Variants in GALNT7 observed in about 807,000 individuals in gnomAD.
GALNT7 encodes N-acetylgalactosaminyltransferase 7.
GALNT7 carries 60 observed loss-of-function variants against 82.1 expected under a neutral mutation model. The observed-to-expected ratio is 0.73, with a 90% CI of 0.59 to 0.91. GALNT7 has a LOEUF of 0.91. Ranked by LOEUF, GALNT7 falls within the 40% of genes least tolerant of loss-of-function variation. GALNT7 has a pLI of 0.00. For missense variants in GALNT7, 660 were observed against 804.2 expected, an observed-to-expected ratio of 0.82 and a Z score of 2.17; for synonymous variants, 243 against 275.1, an observed-to-expected ratio of 0.88 and a Z score of 1.15.
At chr4:173,204,945 G>A (rs913637086) in intron 1 of GALNT7, among the ~76,000 whole-genome samples, 1 of 152,172 alleles carries the variant, frequency 6.6e-6, no homozygotes, top group Non-Finnish European at 1.5e-5. Flanking sequence ...TTTGCATACT[G>A]GGATTTTCTG....
intron 5 of GALNT7, among the ~76,000 whole-genome samples, chr4:173,297,609 T>C (rs1736764228): frequency 6.6e-6 from 1 of 152,218 alleles, no homozygotes; most frequent in Non-Finnish European, 1.5e-5. Context: ...GGAAGTCTCC[T>C]CTCTCCTGCC....
chr4:173,272,512 C>A lies in GALNT7; in HGVS notation c.588-19596C>A, dbSNP rs1052072731. 2.6e-5 allele frequency among the ~76,000 whole-genome samples: 4 copies of A among 152,150 alleles called. No individual in the cohort carries two copies. In the East Asian group the frequency reaches 5.8e-4, roughly 22 times the overall value. Reference sequence around the variant, plus strand: ...TTATAATTCCATCCCATCTTTGAGCCATAAACTATTTGATAACTAACTTCA... The same window carrying A: ...TTATAATTCCATCCCATCTTTGAGCAATAAACTATTTGATAACTAACTTCA... On this transcript the variant is annotated intron_variant, in intron 2 of 11. Transcript: ENST00000265000.
intron 1 of GALNT7, among the ~76,000 whole-genome samples, chr4:173,183,284 T>C (rs1267292878): frequency 6.6e-6 from 1 of 151,536 alleles, no homozygotes; most frequent in African/African-American, 2.4e-5. Context: ...CGCTGCACTT[T>C]TTTTTTTTTT....
At chr4:173,183,706 C>T (rs965212532) in intron 1 of GALNT7, among the ~76,000 whole-genome samples, 2 of 149,558 alleles carry the variant, frequency 1.3e-5, no homozygotes, top group Non-Finnish European at 3.0e-5. Context: ...AGCGCCCCCC[C>T]ACCTCCCAGA....
In GALNT7 at chr4:173,313,943, A is replaced by AT. The variant is rs1554030028; in HGVS notation, c.1390-5dup. ...TTTTTATAACGATATATATATATAT[A>AT]TTTTTTTTTTACAGAATTATGTTAG... is the stretch of plus-strand genomic sequence containing the variant. On this transcript the variant is annotated splice_polypyrimidine_tract_variant and intron_variant, in intron 8 of 11. Transcript: ENST00000265000. 0.011 allele frequency: 9,379 copies of AT among 877,808 alleles called. 23 individuals carry two copies. The highest frequency in any genetic ancestry group is 0.032 in the African/African-American group (1,793 of 56,388). The allele number at this position is 877,808 out of a possible 1,614,324, so 54.4% of individuals were successfully genotyped here. A position where few individuals can be genotyped will look rare whatever the true frequency, so the allele number is the denominator to read the frequency against.
intron 2 of GALNT7, among the ~76,000 whole-genome samples, chr4:173,276,346 T>C (rs1735911599): frequency 6.6e-6 from 1 of 152,158 alleles, no homozygotes; most frequent in Non-Finnish European, 1.5e-5. Flanking sequence ...AATTATAGGC[T>C]TAATTTTGAC....
At position 173,240,013 on chromosome 4, in the gene GALNT7, C is replaced by G. The variant is rs181301121; in HGVS notation, c.127-7967C>G. 5.2e-4 allele frequency among the ~76,000 whole-genome samples: 79 copies of G among 152,282 alleles called. 1 individual carries two copies. The highest frequency in any genetic ancestry group is 1.3e-3 in the Admixed American group (20 of 15,290). The stretch of plus-strand genomic sequence containing the variant: ...AAACCACTTTTAAACTATACCTAAT[C>G]ACTGGAATAATCTAGAGTTCCAAAA... On this transcript the variant is annotated intron_variant, in intron 1 of 11. Transcript: ENST00000265000.
At chr4:173,176,596 GT>G (rs1732051808) in intron 1 of GALNT7, among the ~76,000 whole-genome samples, 1 of 152,204 alleles carries the variant, frequency 6.6e-6, no homozygotes, top group Non-Finnish European at 1.5e-5. Flanking sequence ...GACAAAAACT[GT>G]ATTAGTTAAG....
At chr4:173,251,063 C>T (rs1270475818) in intron 2 of GALNT7, among the ~76,000 whole-genome samples, 1 of 152,196 alleles carries the variant, frequency 6.6e-6, no homozygotes, top group African/African-American at 2.4e-5. Flanking sequence ...GGCTGCCTTT[C>T]TCATTAGATA....
At chr4:173,294,930 T>A (rs756956867) in intron 3 of GALNT7, among the ~76,000 whole-genome samples, 11 of 152,204 alleles carry the variant, frequency 7.2e-5, no homozygotes, top group Non-Finnish European at 1.3e-4. Flanking sequence ...CTGATTGTGG[T>A]TGGGGAAAGA....
At chr4:173,288,763 T>C (rs1736431785) in intron 2 of GALNT7, among the ~76,000 whole-genome samples, 2 of 152,084 alleles carry the variant, frequency 1.3e-5, no homozygotes, top group African/African-American at 2.4e-5. Flanking sequence ...TCAGTGTCTA[T>C]CATTGAGGAC....
At chr4:173,296,246 C>A (rs1736712656) in intron 5 of GALNT7, among the ~76,000 whole-genome samples, 1 of 152,078 alleles carries the variant, frequency 6.6e-6, no homozygotes, top group South Asian at 2.1e-4. Context: ...ATAGTAAAGA[C>A]CAGGTGTTAC....
chr4:173,219,207 T>C (rs186103458), intron 1 of GALNT7, among the ~76,000 whole-genome samples: 217 of 152,258 alleles, frequency 1.4e-3, no homozygotes, highest in African/African-American at 5.1e-3. Flanking sequence ...CTCTCACTTA[T>C]GAGTGAGAGC....
In GALNT7 at chr4:173,221,183, T is replaced by C. The variant is rs1733633138; in HGVS notation, c.127-26797T>C. On this transcript the variant is annotated intron_variant, in intron 1 of 11. Coordinates refer to ENST00000265000, the MANE Select transcript of GALNT7 (RefSeq NM_017423.3). ...CACCTGTTGTTTCCTGACTTTTTAA[T>C]GATCGCCATTCTAACTGGTGTGAGA... 3.3e-5 allele frequency among the ~76,000 whole-genome samples: 5 copies of C among 152,196 alleles called. No homozygotes were observed. The South Asian group carries it at 1.0e-3, about 32-fold the overall frequency.
chr4:173,210,161 C>A (rs1561155252), intron 1 of GALNT7, among the ~76,000 whole-genome samples: 2 of 151,736 alleles, frequency 1.3e-5, no homozygotes, highest in East Asian at 3.9e-4. Context: ...AAAAGAAATA[C>A]TTATTTAATT....
At chr4:173,276,706 A>C (rs909526946) in intron 2 of GALNT7, among the ~76,000 whole-genome samples, 7 of 152,170 alleles carry the variant, frequency 4.6e-5, no homozygotes, top group Non-Finnish European at 1.0e-4. Context: ...GGAGCTTCAA[A>C]ACTGTAAGGC....
Position 173,248,322 on chromosome 4 carries a change from G to A in GALNT7, c.469G>A (p.Val157Ile), listed in dbSNP as rs1561172276. ...GGPGEKAKPLVLGPEFKQAIQ... is the reference protein window; with the variant it reads ...GGPGEKAKPLILGPEFKQAIQ... The stretch of plus-strand genomic sequence containing the variant: ...CCCTGGAGAGAAAGCCAAGCCATTG[G>A]TTTTGGGACCAGAATTCAAACAAGC... Residue 157 changes from valine (V) to isoleucine (I), a missense_variant, in exon 2 of 12, where the codon GTT becomes ATT. Transcript: ENST00000265000. 2 of 1,613,898 alleles carry A rather than the reference G, an allele frequency of 1.2e-6. No individual in the cohort carries two copies. Among genetic ancestry groups the A allele is most frequent in the Non-Finnish European group, 1.7e-6 (2 of 1,179,826 alleles).
At chr4:173,198,776 G>A (rs1301187446) in intron 1 of GALNT7, among the ~76,000 whole-genome samples, 1 of 152,172 alleles carries the variant, frequency 6.6e-6, no homozygotes, top group East Asian at 1.9e-4. Context: ...AGGACTGGGG[G>A]AGGGAGAGAG....
At chr4:173,318,288 T>C in intron 10 of GALNT7, 143 bp from the exon 11 acceptor site, 1 of 601,062 alleles carries the variant, frequency 1.7e-6, no homozygotes, top group Non-Finnish European at 2.9e-6. Flanking sequence ...ATAATTTGTC[T>C]GTGGACTTAC....
Sources: gnomAD v4.1 joint callset for allele counts (sites outside exome capture counted in the v4.1 genomes callset) on GRCh38, gnomAD v4.1.1 for gene constraint, MANE v1.5 for transcripts, NCBI Gene and HGNC (gene_info 2026-07-23, HGNC 2026-07-21) for gene names.